Variants in PTPN13 observed in about 807,000 individuals in gnomAD.
PTPN13 encodes tyrosine-protein phosphatase non-receptor type 13.
Under a neutral mutation model 284.0 loss-of-function variants are expected in PTPN13, and 191 were observed. That is an observed-to-expected ratio of 0.67 (90% CI 0.60 to 0.76). The LOEUF (loss-of-function observed/expected upper bound fraction) is 0.76, where lower values mean the gene tolerates loss of function less well. PTPN13 is among the 30% of genes least tolerant of loss of function. The probability of loss-of-function intolerance (pLI) is 0.00; values close to 1 mark genes in which losing one functional copy is unlikely to be tolerated. For synonymous variants in PTPN13, 986 were observed against 1,022.3 expected (o/e 0.96, Z 0.68); for missense variants, 2,797 against 2,939.9 (o/e 0.95, Z 1.12).
At chr4:86,748,425 T>C (rs1737019676) in intron 17 of PTPN13, among the ~76,000 whole-genome samples, 1 of 152,172 alleles carries the variant, frequency 6.6e-6, no homozygotes, top group Non-Finnish European at 1.5e-5. Flanking sequence ...TGGATTTGAA[T>C]AGCATACTCC....
intron 2 of PTPN13, among the ~76,000 whole-genome samples, chr4:86,640,911 A>G (rs1206470250): frequency 6.6e-6 from 1 of 152,188 alleles, no homozygotes; most frequent in Non-Finnish European, 1.5e-5. Flanking sequence ...CCTCCAGTCT[A>G]ATTCACAGAG....
At chr4:86,685,679 C>T (rs529232282) in intron 3 of PTPN13, among the ~76,000 whole-genome samples, 9 of 152,290 alleles carry the variant, frequency 5.9e-5, no homozygotes, top group Admixed American at 2.0e-4. Context: ...ATTGGCAAAA[C>T]GCCAAGTCTT....
chr4:86,647,104 G>A (rs1423535362), intron 2 of PTPN13, among the ~76,000 whole-genome samples: 1 of 152,124 alleles, frequency 6.6e-6, no homozygotes, highest in East Asian at 1.9e-4. Context: ...AAAAGAGCAT[G>A]AGGAAACTTT....
intron 43 of PTPN13, among the ~76,000 whole-genome samples, chr4:86,805,000 A>G (rs1744498549): frequency 6.6e-6 from 1 of 152,156 alleles, no homozygotes; most frequent in South Asian, 2.1e-4. Context: ...ATTTTTTTCT[A>G]AAATATAAAC....
At chr4:86,635,424 TA>T in intron 2 of PTPN13, 53 bp downstream of exon 2, 2 of 1,547,402 alleles carry the variant, frequency 1.3e-6, no homozygotes, top group East Asian at 4.9e-5. Flanking sequence ...ATTGGGTACT[TA>T]AAAAACAGAT....
Position 86,770,308 on chromosome 4 carries a change from A to G in PTPN13, c.4803+109A>G, listed in dbSNP as rs1291686523. ...AATTGTTCTCCTGGGTTTCATACCT[A>G]GCTACTTGTTTTAGGTAGGCATGTT... On this transcript the variant is annotated intron_variant, in intron 30 of 47. Transcript: ENST00000411767. 4.0e-6 allele frequency: 4 copies of G among 1,008,004 alleles called. No individual in the cohort carries two copies. The Admixed American group carries it at 6.4e-5, about 16-fold the overall frequency. The allele number at this position is 1,008,004 out of a possible 1,614,324, so 62.4% of individuals were successfully genotyped here. A position where few individuals can be genotyped will look rare whatever the true frequency, so the allele number is the denominator to read the frequency against.
intron 45 of PTPN13, among the ~76,000 whole-genome samples, chr4:86,808,208 C>T (rs1178393411): frequency 6.6e-6 from 1 of 152,176 alleles, no homozygotes; most frequent in Non-Finnish European, 1.5e-5. Flanking sequence ...ATGTTGGAAA[C>T]TTGTGTTTTT....
intron 3 of PTPN13, among the ~76,000 whole-genome samples, chr4:86,676,113 A>G: frequency 6.6e-6 from 1 of 152,188 alleles, no homozygotes; most frequent in South Asian, 2.1e-4. Context: ...TAATCACACT[A>G]TACCGTACAT....
rs756575423 is a variant in PTPN13 at position 86,775,459 on chromosome 4, G to A, written c.5698G>A (p.Gly1900Ser). ...KEELGFSLCGGHDSLYQVVYI... is the reference protein window; with the variant it reads ...KEELGFSLCGSHDSLYQVVYI... ...ATTTCAAGGTTTTTCCTTATGTGGA[G>A]GTCATGACAGCCTTTATCAAGTGGT... Residue 1900 changes from glycine (G) to serine (S), a missense_variant, in exon 35 of 48, where the codon GGT becomes AGT. Gly to Ser is a moderately conservative substitution (Grantham distance 56, BLOSUM62 0). Coordinates refer to ENST00000411767, the MANE Select transcript of PTPN13 (RefSeq NM_080683.3). The A allele has an allele frequency of 3.1e-6, 5 of 1,606,744 alleles. No homozygotes were observed. The Admixed American group carries it at 6.7e-5, about 21-fold the overall frequency.
intron 1 of PTPN13, 118 bp from the exon 2 acceptor site, chr4:86,635,134 A>G (rs569409481): frequency 5.5e-6 from 6 of 1,083,340 alleles, no homozygotes; most frequent in South Asian, 1.7e-5. Flanking sequence ...TGGTAGCCAT[A>G]TTGAGAAATT....
Position 86,693,611 on chromosome 4 carries a change from G to T in PTPN13, c.571G>T (p.Glu191Ter). The change falls in exon 6 of 48, where the codon GAA becomes TAA. Residue 191 changes from glutamate (E) to a stop codon, truncating the protein, a stop_gained. Coordinates refer to ENST00000411767, the MANE Select transcript of PTPN13 (RefSeq NM_080683.3). LOFTEE classifies it high-confidence loss of function. Reference protein sequence around the residue: ...SGTDQLSCNSEQKPDRSQAIR... With the variant: ...SGTDQLSCNS ...GACAGATCAGCTTTCCTGTAACAGT[G>T]AACAAAAGCCTGATCGAAGCCAGGC... 6.4e-7 allele frequency: 1 copy of T among 1,554,084 alleles called. No homozygotes were observed. The highest frequency in any genetic ancestry group is 8.7e-7 in the Non-Finnish European group (1 of 1,146,014).
rs184118547 is a variant in PTPN13, at chr4:86,793,324, C to T, written c.6346-3550C>T. On this transcript the variant is annotated intron_variant, in intron 40 of 47. Transcript: ENST00000411767. ...ACTAACTATCCTAAATATATGTGCACCCAATACAGGAGCACCCAGATTCAT... is the reference window on the plus strand; with the variant it reads ...ACTAACTATCCTAAATATATGTGCATCCAATACAGGAGCACCCAGATTCAT... Among the ~76,000 whole-genome samples the T allele has an allele frequency of 1.7e-3, 262 of 152,266 alleles. 1 individual carries two copies. Among genetic ancestry groups the T allele is most frequent in the African/African-American group, 5.8e-3 (242 of 41,560 alleles).
chr4:86,802,601 G>A (rs1744160219), intron 42 of PTPN13, among the ~76,000 whole-genome samples: 1 of 151,982 alleles, frequency 6.6e-6, no homozygotes, highest in Non-Finnish European at 1.5e-5. Context: ...AGTGTGCTAG[G>A]GCTGACTTTC....
chr4:86,791,492 G>C (rs1742658939), intron 40 of PTPN13, among the ~76,000 whole-genome samples: 1 of 152,224 alleles, frequency 6.6e-6, no homozygotes, highest in South Asian at 2.1e-4. Context: ...ACTCTGAAGA[G>C]AGCAATGGTT....
chr4:86,677,049 C>T (rs1728348587), intron 3 of PTPN13, among the ~76,000 whole-genome samples: 1 of 152,072 alleles, frequency 6.6e-6, no homozygotes, highest in East Asian at 2.0e-4. Context: ...GGGCAGATCA[C>T]GAGGTCAGGA....
chr4:86,606,289 A>C (rs1205841314), intron 1 of PTPN13, among the ~76,000 whole-genome samples: 2 of 151,864 alleles, frequency 1.3e-5, no homozygotes, highest in Non-Finnish European at 3.0e-5. Flanking sequence ...CTGTATTTAA[A>C]ATGAGCCACC....
At chr4:86,595,672 A>T (rs1010371128) in intron 1 of PTPN13, 1 of 835,522 alleles carries the variant, frequency 1.2e-6, no homozygotes, top group African/African-American at 1.8e-5. Flanking sequence ...CGGTGACTTC[A>T]TAGGGAGCTG....
intron 2 of PTPN13, among the ~76,000 whole-genome samples, chr4:86,668,145 A>T (rs1453318071): frequency 6.6e-6 from 1 of 152,180 alleles, no homozygotes; most frequent in East Asian, 1.9e-4. Flanking sequence ...TAATCATTAG[A>T]CTACTGGAAT....
chr4:86,706,079 T>G (rs1336034186), intron 7 of PTPN13, among the ~76,000 whole-genome samples: 1 of 152,178 alleles, frequency 6.6e-6, no homozygotes, highest in Non-Finnish European at 1.5e-5. Context: ...CTAACTAGCA[T>G]AAGGGACACA....
Sources: allele counts gnomAD v4.1 joint callset (sites outside exome capture counted in the v4.1 genomes callset), GRCh38; gene constraint gnomAD v4.1.1; transcripts MANE v1.5; gene names NCBI Gene and HGNC (gene_info 2026-07-23, HGNC 2026-07-21).